The following SUMF1 variants were observed in gnomAD, a reference collection of about 807,000 sequenced individuals.
The protein encoded by SUMF1 is formylglycine-generating enzyme.
In SUMF1, 48 loss-of-function variants were observed where a neutral mutation model predicts 47.6. The observed-to-expected ratio is 1.01, with a 90% CI of 0.80 to 1.28. The LOEUF (loss-of-function observed/expected upper bound fraction) is 1.28. Among genes scored for constraint, SUMF1 ranks in the 50% most tolerant of loss-of-function variants. SUMF1 has a pLI of 0.00. For missense variants in SUMF1, 571 were observed against 485.4 expected, an observed-to-expected ratio of 1.18 and a Z score of -1.66; for synonymous variants, 230 against 192.1, an observed-to-expected ratio of 1.20 and a Z score of -1.63.
chr3:4,418,173 AG>A, intron 4 of SUMF1, 41 bp from the exon 5 acceptor site: 5 of 1,613,376 alleles, frequency 3.1e-6, no homozygotes, highest in Non-Finnish European at 4.2e-6. Context: ...GACACCAATC[AG>A]AACAAGAAGC....
At chr3:4,266,779 G>A (rs1202628954) in intron 8 of SUMF1, among the ~76,000 whole-genome samples, 1 of 148,594 alleles carries the variant, frequency 6.7e-6, no homozygotes, top group Non-Finnish European at 1.5e-5. Flanking sequence ...GGAGTGGTGA[G>A]AGAGGGCATC....
At position 4,184,146 on chromosome 3, in the gene SUMF1, A is replaced by G. The variant is rs563262986; in HGVS notation, c.1015-115401T>C. Among the ~76,000 whole-genome samples, 5 of 108,354 alleles carry G rather than the reference A, an allele frequency of 4.6e-5. No individual in the cohort carries two copies. The East Asian group carries it at 1.5e-3, about 32-fold the overall frequency. The allele number at this position is 108,354 out of a possible 152,430, so 71.1% of individuals were successfully genotyped here. A position where few individuals can be genotyped will look rare whatever the true frequency, so the allele number is the denominator to read the frequency against. ...TGTGACCCTGTCTCGAAAAAAAATT[A>G]AAAAAAAAAAAGAAAAAAGGCAAAA... On this transcript the variant is annotated intron_variant and NMD_transcript_variant, in intron 8 of 12. Coordinates refer to the SUMF1 transcript ENST00000448413.
At chr3:4,451,095 A>C (rs1702953000) in intron 2 of SUMF1, among the ~76,000 whole-genome samples, 1 of 114,326 alleles carries the variant, frequency 8.7e-6, no homozygotes, top group East Asian at 3.1e-4. Context: ...CAATAAAAAA[A>C]TAAAATAAAA....
At chr3:4,063,750 T>G (rs1229403592) in intron 9 of SUMF1, among the ~76,000 whole-genome samples, 5 of 152,178 alleles carry the variant, frequency 3.3e-5, no homozygotes, top group Non-Finnish European at 7.3e-5. Context: ...TATTTTTACA[T>G]GTATTATATT....
chr3:4,308,335 C>A (rs1241652397), intron 8 of SUMF1, among the ~76,000 whole-genome samples: 1 of 152,198 alleles, frequency 6.6e-6, no homozygotes, highest in Non-Finnish European at 1.5e-5. Context: ...ACATGCTAAT[C>A]CCTAGAGTAA....
At chr3:4,371,145 T>C (rs568367530) in intron 8 of SUMF1, among the ~76,000 whole-genome samples, 1 of 152,378 alleles carries the variant, frequency 6.6e-6, no homozygotes, top group East Asian at 1.9e-4. Flanking sequence ...GGCCTCATTA[T>C]AAATGTCCTC....
At chr3:4,256,712 T>G (rs1383372164) in intron 8 of SUMF1, among the ~76,000 whole-genome samples, 1 of 152,164 alleles carries the variant, frequency 6.6e-6, no homozygotes, top group Admixed American at 6.5e-5. Context: ...TACCATTCCT[T>G]CTGAAACTAT....
At chr3:4,371,911 T>A (rs1031180101) in intron 8 of SUMF1, among the ~76,000 whole-genome samples, 2 of 152,212 alleles carry the variant, frequency 1.3e-5, no homozygotes, top group African/African-American at 4.8e-5. Context: ...CTTAACCAGA[T>A]GACATGTTGC....
intron 8 of SUMF1, among the ~76,000 whole-genome samples, chr3:4,071,286 T>A (rs553291678): frequency 6.6e-6 from 1 of 151,966 alleles, no homozygotes; most frequent in African/African-American, 2.4e-5. Context: ...GTTCATCTCA[T>A]TGAGACTGGA....
intron 8 of SUMF1, among the ~76,000 whole-genome samples, chr3:4,289,748 T>C (rs1480780830): frequency 6.6e-6 from 1 of 151,440 alleles, no homozygotes; most frequent in Non-Finnish European, 1.5e-5. Flanking sequence ...GGTTTCTAGC[T>C]AGAGCACTCT....
intron 8 of SUMF1, among the ~76,000 whole-genome samples, chr3:4,286,639 G>C (rs914900166): frequency 7.9e-5 from 12 of 151,958 alleles, no homozygotes; most frequent in Admixed American, 7.9e-4. Flanking sequence ...TCATTAATGA[G>C]GAAAATATAA....
chr3:4,076,435 C>G (rs1419476927), intron 8 of SUMF1, among the ~76,000 whole-genome samples: 1 of 152,018 alleles, frequency 6.6e-6, no homozygotes, highest in African/African-American at 2.4e-5. Flanking sequence ...TAGGCATGGG[C>G]AAAGACTTCA....
rs1192435189 is a variant in SUMF1, at chr3:4,349,962, G to C, written c.1014+26368C>G. 2.0e-5 allele frequency among the ~76,000 whole-genome samples: 3 copies of C among 147,744 alleles called. No homozygotes were observed. In the East Asian group the frequency reaches 5.9e-4, roughly 29 times the overall value. The stretch of plus-strand genomic sequence containing the variant: ...ATGCATCCGGTTTTTTTTTTTAGAA[G>C]AAATAAAAAAAATAAGTTGTATATA... On this transcript the variant is annotated intron_variant and NMD_transcript_variant, in intron 8 of 12. Coordinates refer to the SUMF1 transcript ENST00000448413.
intron 8 of SUMF1, among the ~76,000 whole-genome samples, chr3:4,236,579 C>T (rs572834947): frequency 3.2e-3 from 89 of 27,862 alleles, no homozygotes; most frequent in African/African-American, 0.015. Flanking sequence ...CATAGTGAGA[C>T]CCCCCATCTC....
downstream of SUMF1, among the ~76,000 whole-genome samples, chr3:4,360,819 C>T (rs1699733488): frequency 6.6e-6 from 1 of 152,134 alleles, no homozygotes; most frequent in East Asian, 1.9e-4. Context: ...ATAACAGGGA[C>T]CTTAGGTTGA....
chr3:4,192,498 C>T (rs1264919656), intron 8 of SUMF1, among the ~76,000 whole-genome samples: 1 of 151,472 alleles, frequency 6.6e-6, no homozygotes, highest in Non-Finnish European at 1.5e-5. Flanking sequence ...AATCCTCTAC[C>T]TTATTTCAAG....
intron 8 of SUMF1, among the ~76,000 whole-genome samples, chr3:4,339,888 G>A (rs2125138711): frequency 6.6e-6 from 1 of 152,218 alleles, no homozygotes; most frequent in East Asian, 1.9e-4. Context: ...AACAGCCTAG[G>A]CAACATGGCA....
At chr3:4,379,226 A>G (rs1280404579) in intron 7 of SUMF1, among the ~76,000 whole-genome samples, 1 of 152,244 alleles carries the variant, frequency 6.6e-6, no homozygotes, top group Non-Finnish European at 1.5e-5. Flanking sequence ...GCTCATTCAC[A>G]GCCCTAGTGT....
intron 8 of SUMF1, among the ~76,000 whole-genome samples, chr3:4,213,636 A>G (rs1695849316): frequency 6.6e-6 from 1 of 152,154 alleles, no homozygotes; most frequent in Non-Finnish European, 1.5e-5. Flanking sequence ...TAGAGTCAAG[A>G]CCCATCAGTG....
Sources: allele counts gnomAD v4.1 joint callset (sites outside exome capture counted in the v4.1 genomes callset), GRCh38; gene constraint gnomAD v4.1.1; transcripts MANE v1.5; gene names NCBI Gene and HGNC (gene_info 2026-07-23, HGNC 2026-07-21).